KCNMA1: variants seen among roughly 807,000 people sequenced by gnomAD.
KCNMA1 encodes the protein potassium calcium-activated channel subfamily M alpha 1, also known as Calcium-activated potassium channel subunit alpha-1.
A neutral mutation model predicts 140.0 loss-of-function variants in KCNMA1; 29 were observed. The ratio of observed to expected loss-of-function variants is 0.21; its 90% CI spans 0.15 to 0.28. KCNMA1 has a LOEUF of 0.28. Among genes scored for constraint, KCNMA1 ranks in the 10% least tolerant of loss-of-function variants. The pLI, the probability that KCNMA1 is intolerant of heterozygous loss-of-function variation, is 1.00. For synonymous variants in KCNMA1, 612 were observed against 611.9 expected (o/e 1.00, Z 0.00); for missense variants, 880 against 1,602.2 (o/e 0.55, Z 7.70).
chr10:77,112,039 T>C (rs955431266), intron 7 of KCNMA1, among the ~76,000 whole-genome samples: 4 of 152,214 alleles, frequency 2.6e-5, no homozygotes, highest in Admixed American at 6.5e-5. Context: ...CCAGACCTTT[T>C]CCAGGTGTTT....
At chr10:77,442,875 T>G (rs1014811150) in intron 1 of KCNMA1, among the ~76,000 whole-genome samples, 17 of 152,274 alleles carry the variant, frequency 1.1e-4, no homozygotes, top group African/African-American at 4.1e-4. Context: ...CCAGTGTGAA[T>G]CCAAACGCAT....
chr10:77,615,832 C>T (rs559333110), intron 1 of KCNMA1, among the ~76,000 whole-genome samples: 2 of 152,286 alleles, frequency 1.3e-5, no homozygotes, highest in African/African-American at 4.8e-5. Flanking sequence ...TTCCAGTGGT[C>T]TCCTGTCCCT....
At chr10:77,577,686 A>T (rs1052522168) in intron 1 of KCNMA1, among the ~76,000 whole-genome samples, 1 of 152,196 alleles carries the variant, frequency 6.6e-6, no homozygotes, top group Non-Finnish European at 1.5e-5. Context: ...CATTGTGCAG[A>T]TGGGAAAACT....
At chr10:76,950,835 AG>A (rs2065962482) in intron 21 of KCNMA1, among the ~76,000 whole-genome samples, 1 of 152,228 alleles carries the variant, frequency 6.6e-6, no homozygotes, top group Admixed American at 6.5e-5. Flanking sequence ...GCAATAGTCC[AG>A]GGAAACCGGA....
intron 1 of KCNMA1, among the ~76,000 whole-genome samples, chr10:77,624,843 T>G (rs1287507607): frequency 1.3e-5 from 2 of 151,886 alleles, no homozygotes; most frequent in African/African-American, 4.8e-5. Context: ...GTTGTTCTCT[T>G]CATTTGTCTG....
intron 2 of KCNMA1, among the ~76,000 whole-genome samples, chr10:77,262,483 T>C (rs1004586946): frequency 2.6e-5 from 4 of 152,086 alleles, no homozygotes; most frequent in African/African-American, 9.7e-5. Context: ...GTTCTGGATA[T>C]GGATGGTGAT....
intron 1 of KCNMA1, among the ~76,000 whole-genome samples, chr10:77,627,614 C>T (rs909130374): frequency 1.3e-5 from 2 of 152,202 alleles, no homozygotes; most frequent in African/African-American, 4.8e-5. Flanking sequence ...CATTCTACGT[C>T]TCAACACTGC....
intron 1 of KCNMA1, among the ~76,000 whole-genome samples, chr10:77,564,063 G>A (rs185501563): frequency 1.3e-5 from 2 of 152,316 alleles, no homozygotes; most frequent in Admixed American, 1.3e-4. Flanking sequence ...AGGCAGTGTG[G>A]TATGTTCCTT....
At chr10:77,240,881 C>T (rs2057097361) in intron 3 of KCNMA1, among the ~76,000 whole-genome samples, 1 of 152,196 alleles carries the variant, frequency 6.6e-6, no homozygotes, top group Non-Finnish European at 1.5e-5. Flanking sequence ...TACTGTTGCA[C>T]TCTCAGCGAA....
At chr10:77,348,010 T>C (rs996276934) in intron 2 of KCNMA1, among the ~76,000 whole-genome samples, 7 of 152,204 alleles carry the variant, frequency 4.6e-5, no homozygotes, top group African/African-American at 1.4e-4. Flanking sequence ...GGGATTCACA[T>C]GGTTGCATCA....
intron 5 of KCNMA1, among the ~76,000 whole-genome samples, chr10:77,167,486 A>AGT (rs2098655961): frequency 6.6e-6 from 1 of 152,118 alleles, no homozygotes; most frequent in Non-Finnish European, 1.5e-5. Context: ...ATCTTAGTTT[A>AGT]AACTCCAAGC....
At chr10:77,362,774 A>G (rs2094081071) in intron 2 of KCNMA1, among the ~76,000 whole-genome samples, 1 of 152,188 alleles carries the variant, frequency 6.6e-6, no homozygotes, top group Non-Finnish European at 1.5e-5. Context: ...ACATGTATCC[A>G]TCACAAGGGC....
chr10:77,605,418 A>G (rs1466458691), intron 1 of KCNMA1, among the ~76,000 whole-genome samples: 1 of 152,218 alleles, frequency 6.6e-6, no homozygotes, highest in Non-Finnish European at 1.5e-5. Context: ...CCTGAGGAGT[A>G]ACACAACTAG....
chr10:76,914,796 C>A (rs1256851171), intron 24 of KCNMA1, 140 bp downstream of exon 24: 4 of 692,168 alleles, frequency 5.8e-6, no homozygotes, highest in Non-Finnish European at 1.1e-5. Context: ...TCTCCCCATA[C>A]CTTCCTCCCA....
At chr10:77,425,552 T>A (rs2096966645) in intron 1 of KCNMA1, among the ~76,000 whole-genome samples, 1 of 152,128 alleles carries the variant, frequency 6.6e-6, no homozygotes, top group African/African-American at 2.4e-5. Context: ...TTGCCATCAG[T>A]CAACCACCAA....
intron 5 of KCNMA1, among the ~76,000 whole-genome samples, chr10:77,164,764 C>T (rs2154085064): frequency 6.6e-6 from 1 of 152,276 alleles, no homozygotes; most frequent in Non-Finnish European, 1.5e-5. Context: ...CCAGCCACAG[C>T]TACTATCAGG....
chr10:76,922,955 G>A (rs1001849779), intron 23 of KCNMA1, among the ~76,000 whole-genome samples: 11 of 152,094 alleles, frequency 7.2e-5, no homozygotes, highest in Non-Finnish European at 1.5e-4. Flanking sequence ...AGTGACCAGG[G>A]ACAAGACCTG....
At chr10:77,009,092 A>G (rs916189394) in intron 18 of KCNMA1, among the ~76,000 whole-genome samples, 4 of 152,166 alleles carry the variant, frequency 2.6e-5, no homozygotes, top group African/African-American at 9.7e-5. Flanking sequence ...ACATAGCCAA[A>G]GGCCTTTGTG....
rs552019803 is a variant in KCNMA1, at chr10:77,452,879, T to C, written c.379-48856A>G. ...GCTCTTGGATCCTCCCTAATCAAGA[T>C]GATAAGAAAGATGCTGCCCAATGCG... On this transcript the variant is annotated intron_variant, in intron 1 of 27. Coordinates refer to ENST00000286628, the MANE Select transcript of KCNMA1 (RefSeq NM_001161352.2). Among the ~76,000 whole-genome samples, 3 of 152,302 alleles carry C rather than the reference T, an allele frequency of 2.0e-5. No homozygotes were observed. In the South Asian group the frequency reaches 6.2e-4, roughly 32 times the overall value.
Sources: gnomAD v4.1 joint callset for allele counts (sites outside exome capture counted in the v4.1 genomes callset) on GRCh38, gnomAD v4.1.1 for gene constraint, MANE v1.5 for transcripts, NCBI Gene and HGNC (gene_info 2026-07-23, HGNC 2026-07-21) for gene names.